CLTA: variants seen among roughly 807,000 people sequenced by gnomAD.
The protein encoded by CLTA is clathrin, light polypeptide (Lca).
A neutral mutation model predicts 26.9 loss-of-function variants in CLTA; 9 were observed. That is an observed-to-expected ratio of 0.33 (90% CI 0.20 to 0.58). CLTA has a LOEUF of 0.58. CLTA is among the 20% of genes least tolerant of loss of function. The pLI is 0.85. For missense variants in CLTA, 278 were observed against 294.2 expected, an observed-to-expected ratio of 0.94 and a Z score of 0.40; for synonymous variants, 120 against 115.5, an observed-to-expected ratio of 1.04 and a Z score of -0.25.
chr9:36,201,950 A>T (rs555116852), intron 3 of CLTA, among the ~76,000 whole-genome samples: 1 of 145,672 alleles, frequency 6.9e-6, no homozygotes, highest in Non-Finnish European at 1.5e-5. Context: ...TATCTCTACT[A>T]AAAAAAAAAA....
intron 3 of CLTA, among the ~76,000 whole-genome samples, chr9:36,201,087 T>G (rs1056782617): frequency 5.3e-5 from 8 of 152,238 alleles, no homozygotes; most frequent in African/African-American, 1.7e-4. Context: ...AGATTTAATT[T>G]TTCAATTATG....
chr9:36,204,240 G>A, intron 4 of CLTA, 61 bp downstream of exon 4: 12 of 1,542,890 alleles, frequency 7.8e-6, no homozygotes, highest in Non-Finnish European at 1.1e-5. Flanking sequence ...TCCATTCTCA[G>A]CATCCAGTCT....
chr9:36,208,576 A>T (rs1203806932), intron 4 of CLTA, among the ~76,000 whole-genome samples: 3 of 152,204 alleles, frequency 2.0e-5, no homozygotes, highest in Non-Finnish European at 4.4e-5. Context: ...AGATTTTAAA[A>T]TGACGATATG....
intron 1 of CLTA, among the ~76,000 whole-genome samples, chr9:36,196,171 T>G (rs1827017617): frequency 6.6e-6 from 1 of 151,442 alleles, no homozygotes; most frequent in South Asian, 2.1e-4. Flanking sequence ...TCCCAGCTAC[T>G]CAGGAGGCTG....
chr9:36,193,981 G>C (rs566825504), intron 1 of CLTA, among the ~76,000 whole-genome samples: 19 of 152,280 alleles, frequency 1.2e-4, no homozygotes, highest in African/African-American at 4.6e-4. Flanking sequence ...TCGGGGAAGA[G>C]AACAGGAGAG....
At chr9:36,202,986 C>T (rs576488385) in intron 3 of CLTA, among the ~76,000 whole-genome samples, 96 of 152,126 alleles carry the variant, frequency 6.3e-4, no homozygotes, top group African/African-American at 2.2e-3. Flanking sequence ...CATGCACCAC[C>T]ACATCCAGCT....
At chr9:36,209,734 A>T (rs563109299) in intron 4 of CLTA, among the ~76,000 whole-genome samples, 56 of 152,262 alleles carry the variant, frequency 3.7e-4, no homozygotes, top group African/African-American at 1.3e-3. Context: ...CCAGGAGGTT[A>T]GGAGCCAGTG....
Position 36,211,695 on chromosome 9 carries a change from A to G in CLTA, c.578A>G (p.Lys193Arg). 1.2e-6 allele frequency: 2 copies of G among 1,614,100 alleles called. No individual in the cohort carries two copies. Among genetic ancestry groups the G allele is most frequent in the South Asian group, 1.1e-5 (1 of 91,082 alleles). ...GCCCGGCTGTGTGACTTTAACCCCA[A>G]GTCTAGCAAGCAGGCCAAAGATGTC... Reference protein sequence around the residue: ...RVARLCDFNPKSSKQAKDVSR... With the variant: ...RVARLCDFNPRSSKQAKDVSR... Residue 193 changes from lysine (K) to arginine (R), a missense_variant, in exon 5 of 5, where the codon AAG becomes AGG. Transcript: ENST00000345519.
At chr9:36,204,374 A>G (rs1316023056) in intron 4 of CLTA, among the ~76,000 whole-genome samples, 195 bp downstream of exon 4, 2 of 152,142 alleles carry the variant, frequency 1.3e-5, no homozygotes, top group African/African-American at 4.8e-5. Context: ...AGCCATCCCA[A>G]TTGTAGTGAG....
chr9:36,195,813 C>T (rs563859437), intron 1 of CLTA, among the ~76,000 whole-genome samples: 2 of 151,132 alleles, frequency 1.3e-5, no homozygotes, highest in South Asian at 4.2e-4. Context: ...CTAAAAAATA[C>T]AAAAATTAGC....
chr9:36,198,886 A>C lies in CLTA; in HGVS notation c.256-93A>C, dbSNP rs571585647. On this transcript the variant is annotated intron_variant, in intron 2 of 4. Coordinates refer to ENST00000345519, the MANE Select transcript of CLTA (RefSeq NM_001833.4). Reference sequence around the variant, plus strand: ...GAAAACTCTGTCTCAAAAAAAAAAAAAAAAAACAGAACCAGGGGTTCTAAC... The same window carrying C: ...GAAAACTCTGTCTCAAAAAAAAAAACAAAAAACAGAACCAGGGGTTCTAAC... The C allele has an allele frequency of 3.0e-4, 249 of 827,178 alleles. 1 individual carries two copies. The highest frequency in any genetic ancestry group is 1.5e-3 in the African/African-American group (84 of 57,318). 51.2% of individuals were successfully genotyped at this position (827,178 alleles called of 1,614,324 possible). A position where few individuals can be genotyped will look rare whatever the true frequency, so the allele number is the denominator to read the frequency against.
chr9:36,193,520 T>A (rs1003385838), intron 1 of CLTA, among the ~76,000 whole-genome samples: 4 of 151,124 alleles, frequency 2.6e-5, no homozygotes, highest in African/African-American at 9.8e-5. Context: ...AAAGAGTGTC[T>A]ATAAAGTGCT....
At chr9:36,197,613 A>G (rs773546931) in intron 2 of CLTA, 25 bp downstream of exon 2, 2 of 1,526,308 alleles carry the variant, frequency 1.3e-6, no homozygotes, top group South Asian at 1.2e-5. Flanking sequence ...GATTCTGTTC[A>G]TTGATAGTGA....
intron 4 of CLTA, chr9:36,209,465 G>A (rs930635286): frequency 1.5e-5 from 10 of 673,118 alleles, no homozygotes; most frequent in South Asian, 7.4e-5. Context: ...ATTGATAAGC[G>A]GGGTATGATC....
At chr9:36,194,318 C>T (rs915388556) in intron 1 of CLTA, among the ~76,000 whole-genome samples, 13 of 152,196 alleles carry the variant, frequency 8.5e-5, no homozygotes, top group Non-Finnish European at 1.6e-4. Flanking sequence ...TGAACCACCG[C>T]ACCCGGTGAC....
intron 4 of CLTA, chr9:36,209,273 A>G: frequency 6.2e-7 from 1 of 1,614,160 alleles, no homozygotes; most frequent in Non-Finnish European, 8.5e-7. Context: ...CTAGGGTGGC[A>G]GATGAAGCTT....
At position 36,206,292 on chromosome 9, in the gene CLTA, CT is replaced by C. The variant is rs1827721068; in HGVS notation, c.485+2115del. Among the ~76,000 whole-genome samples the C allele has an allele frequency of 4.0e-5, 6 of 149,080 alleles. No individual in the cohort carries two copies. The South Asian group carries it at 1.3e-3, about 31-fold the overall frequency. ...GGAACCTTGCAGCACAGGGCTGACT[CT>C]TGAGAGCATAACGCTAGTGGCACAC... On this transcript the variant is annotated intron_variant, in intron 4 of 4. Coordinates refer to ENST00000345519, the MANE Select transcript of CLTA (RefSeq NM_001833.4).
intron 1 of CLTA, among the ~76,000 whole-genome samples, chr9:36,192,754 C>T (rs574257406): frequency 3.9e-5 from 6 of 152,160 alleles, no homozygotes; most frequent in Non-Finnish European, 7.3e-5. Context: ...AGCTGAGCCC[C>T]AAGTCTACCC....
intron 3 of CLTA, 122 bp from the exon 4 acceptor site, chr9:36,203,946 C>T (rs572601841): frequency 4.4e-6 from 6 of 1,359,972 alleles, no homozygotes; most frequent in African/African-American, 1.5e-5. Context: ...CTCTTCTCCC[C>T]CAACAGGCAC....
Sources: gnomAD v4.1 joint callset for allele counts (sites outside exome capture counted in the v4.1 genomes callset) on GRCh38, gnomAD v4.1.1 for gene constraint, MANE v1.5 for transcripts, NCBI Gene and HGNC (gene_info 2026-07-23, HGNC 2026-07-21) for gene names.